The following CYP39A1 variants were observed in gnomAD, a reference collection of about 807,000 sequenced individuals.
CYP39A1 encodes 24-hydroxycholesterol 7-alpha-hydroxylase.
CYP39A1 carries 49 observed loss-of-function variants against 58.1 expected under a neutral mutation model. That is an observed-to-expected ratio of 0.84 (90% CI 0.67 to 1.07). The LOEUF is 1.07. Among genes scored for constraint, CYP39A1 ranks in the 50% least tolerant of loss-of-function variants. The pLI, the probability that CYP39A1 is intolerant of heterozygous loss-of-function variation, is 0.00. For missense variants in CYP39A1, 531 were observed against 539.4 expected (o/e 0.98, Z 0.16); for synonymous variants, 209 against 187.6 (o/e 1.11, Z -0.93).
At chr6:46,606,992 A>T (rs998399762) in intron 7 of CYP39A1, among the ~76,000 whole-genome samples, 1 of 152,188 alleles carries the variant, frequency 6.6e-6, no homozygotes, top group East Asian at 1.9e-4. Context: ...TTTATTCCTC[A>T]TAGATATCTG....
At chr6:46,579,765 C>A (rs806484) in intron 10 of CYP39A1, among the ~76,000 whole-genome samples, 59,795 of 151,572 alleles carry the variant, frequency 0.39, 14,764 homozygotes, top group African/African-American at 0.7. Context: ...CAACAGCCAC[C>A]CACATAAAAT....
At chr6:46,598,563 C>G (rs1773307609) in intron 7 of CYP39A1, among the ~76,000 whole-genome samples, 2 of 152,132 alleles carry the variant, frequency 1.3e-5, no homozygotes, top group Admixed American at 1.3e-4. Context: ...ATTTTCTAAA[C>G]TAATTCGGAA....
At chr6:46,585,973 G>A (rs1352399480) in intron 10 of CYP39A1, among the ~76,000 whole-genome samples, 1 of 151,996 alleles carries the variant, frequency 6.6e-6, no homozygotes, top group East Asian at 1.9e-4. Context: ...CACTCTGTTT[G>A]GCCAGTTTAG....
chr6:46,603,632 CA>C (rs1339034496), intron 7 of CYP39A1, among the ~76,000 whole-genome samples: 1 of 152,180 alleles, frequency 6.6e-6, no homozygotes, highest in Non-Finnish European at 1.5e-5. Flanking sequence ...TTCCCGGGCA[CA>C]TCCTTAACCT....
chr6:46,565,268 T>A (rs1771215463), intron 10 of CYP39A1, among the ~76,000 whole-genome samples: 1 of 152,190 alleles, frequency 6.6e-6, no homozygotes, highest in Non-Finnish European at 1.5e-5. Flanking sequence ...CCAAACCTTT[T>A]AATTTTAGCA....
At chr6:46,574,683 T>C (rs552675670) in intron 10 of CYP39A1, among the ~76,000 whole-genome samples, 22 of 152,092 alleles carry the variant, frequency 1.4e-4, no homozygotes, top group South Asian at 6.2e-4. Context: ...TTTCTCTCCA[T>C]AGATACATAT....
chr6:46,621,587 A>G (rs1020888796), intron 7 of CYP39A1, among the ~76,000 whole-genome samples: 5 of 152,290 alleles, frequency 3.3e-5, no homozygotes, highest in Middle Eastern at 6.8e-3. Context: ...ATAGTCCTAA[A>G]AAGACATAAA....
intron 10 of CYP39A1, among the ~76,000 whole-genome samples, chr6:46,581,764 C>G (rs896303190): frequency 2.6e-5 from 4 of 152,026 alleles, no homozygotes; most frequent in African/African-American, 7.2e-5. Context: ...GCACATGTAC[C>G]CCCCTTGAAC....
chr6:46,591,068 T>C (rs1772803590), intron 8 of CYP39A1, among the ~76,000 whole-genome samples: 1 of 152,192 alleles, frequency 6.6e-6, no homozygotes, highest in Non-Finnish European at 1.5e-5. Flanking sequence ...TGCATGTTAT[T>C]CAACTGTTTC....
intron 7 of CYP39A1, among the ~76,000 whole-genome samples, chr6:46,609,262 G>C (rs1223160048): frequency 6.6e-6 from 1 of 151,736 alleles, no homozygotes; most frequent in Admixed American, 6.6e-5. Flanking sequence ...AATTAGCCGG[G>C]CGTGGTGGCG....
intron 10 of CYP39A1, among the ~76,000 whole-genome samples, chr6:46,583,917 C>A (rs1294176366): frequency 3.3e-5 from 5 of 152,126 alleles, no homozygotes; most frequent in Non-Finnish European, 5.9e-5. Flanking sequence ...GAACTTTGAT[C>A]ATCAGCCATA....
rs569566849 is a variant in CYP39A1 at position 46,647,756 on chromosome 6, G to A, written c.177+4650C>T. 2.1e-4 allele frequency among the ~76,000 whole-genome samples: 32 copies of A among 152,292 alleles called. No individual in the cohort carries two copies. The South Asian group carries it at 3.1e-3, about 15-fold the overall frequency. On this transcript the variant is annotated intron_variant, in intron 1 of 11. Coordinates refer to ENST00000275016, the MANE Select transcript of CYP39A1 (RefSeq NM_016593.5). ...ATGATGAGCATTTTTTCATCTGTCT[G>A]TTGGTTGAATAAATGTCTTCTTTTG...
chr6:46,628,862 T>C (rs1775481051), intron 6 of CYP39A1, among the ~76,000 whole-genome samples: 1 of 152,192 alleles, frequency 6.6e-6, no homozygotes, highest in South Asian at 2.1e-4. Flanking sequence ...TGACTGAAAC[T>C]AGGGAGATAA....
chr6:46,582,446 G>T (rs937248179), intron 10 of CYP39A1, among the ~76,000 whole-genome samples: 1 of 151,954 alleles, frequency 6.6e-6, no homozygotes, highest in Non-Finnish European at 1.5e-5. Context: ...ATATATCATC[G>T]CCTTGCTATC....
At chr6:46,587,015 C>T (rs976148334) in intron 10 of CYP39A1, 62 bp downstream of exon 10, 3 of 1,169,198 alleles carry the variant, frequency 2.6e-6, no homozygotes, top group Non-Finnish European at 3.8e-6. Flanking sequence ...AAGTTGTTCC[C>T]CTCTGAGCCA....
At chr6:46,631,328 C>A (rs1020933228) in intron 5 of CYP39A1, among the ~76,000 whole-genome samples, 2 of 152,196 alleles carry the variant, frequency 1.3e-5, no homozygotes, top group Admixed American at 1.3e-4. Flanking sequence ...TGACCTTGAA[C>A]AAGCTACTTT....
chr6:46,593,822 C>T (rs148437636), intron 8 of CYP39A1, among the ~76,000 whole-genome samples: 54 of 152,246 alleles, frequency 3.5e-4, no homozygotes, highest in Middle Eastern at 3.4e-3. Flanking sequence ...AATAAGTCTG[C>T]CATGTGCACA....
intron 10 of CYP39A1, among the ~76,000 whole-genome samples, chr6:46,556,176 C>T (rs1770654769): frequency 2.0e-5 from 3 of 152,156 alleles, no homozygotes; most frequent in Admixed American, 2.0e-4. Context: ...GGGGCAAACT[C>T]CAGTGTAGGA....
intron 6 of CYP39A1, among the ~76,000 whole-genome samples, chr6:46,626,736 C>A (rs1775330216): frequency 6.6e-6 from 1 of 152,122 alleles, no homozygotes; most frequent in African/African-American, 2.4e-5. Context: ...GATGATGAAA[C>A]AGATGCTCAG....
Sources: allele counts gnomAD v4.1 joint callset (sites outside exome capture counted in the v4.1 genomes callset), GRCh38; gene constraint gnomAD v4.1.1; transcripts MANE v1.5; gene names NCBI Gene and HGNC (gene_info 2026-07-23, HGNC 2026-07-21).